Variants in TAOK1 observed in about 807,000 individuals in gnomAD.
TAOK1 encodes serine/threonine-protein kinase TAO1.
A neutral mutation model predicts 138.3 loss-of-function variants in TAOK1; 21 were observed. The ratio of observed to expected loss-of-function variants is 0.15; its 90% confidence interval spans 0.11 to 0.22. The LOEUF (loss-of-function observed/expected upper bound fraction) is 0.22, where lower values mean the gene tolerates loss of function less well. Ranked by LOEUF, TAOK1 falls within the 10% of genes least tolerant of loss-of-function variation. The probability of loss-of-function intolerance (pLI) is 1.00; values close to 1 mark genes in which losing one functional copy is unlikely to be tolerated. For synonymous variants in TAOK1, 361 were observed against 398.4 expected, an observed-to-expected ratio of 0.91 and a Z score of 1.12; for missense variants, 651 against 1,227.7, an observed-to-expected ratio of 0.53 and a Z score of 7.02.
At chr17:29,528,891 C>T (rs558962040) in intron 17 of TAOK1, among the ~76,000 whole-genome samples, 33 of 132,726 alleles carry the variant, frequency 2.5e-4, no homozygotes, top group South Asian at 1.5e-3. Context: ...GTTTCTAAAA[C>T]GAACAGAATA....
chr17:29,498,620 C>A, intron 12 of TAOK1, 99 bp downstream of exon 12: 1 of 1,410,996 alleles, frequency 7.1e-7, no homozygotes. Flanking sequence ...AGGAAGTTTC[C>A]CGAAGTTTGG....
chr17:29,505,423 C>A (rs769955390), intron 13 of TAOK1, among the ~76,000 whole-genome samples: 1 of 152,046 alleles, frequency 6.6e-6, no homozygotes, highest in Non-Finnish European at 1.5e-5. Flanking sequence ...AATGGTGGGC[C>A]GGGTGGAGTG....
At chr17:29,525,683 C>T (rs1202711602) in intron 17 of TAOK1, among the ~76,000 whole-genome samples, 4 of 152,242 alleles carry the variant, frequency 2.6e-5, no homozygotes, top group Non-Finnish European at 5.9e-5. Flanking sequence ...GCGTGAGCCA[C>T]CGCGCCCAGC....
In TAOK1 at chr17:29,422,157, A is replaced by G. The variant is rs576007329; in HGVS notation, c.-94-29298A>G. 1.1e-4 allele frequency among the ~76,000 whole-genome samples: 17 copies of G among 151,584 alleles called. No individual in the cohort carries two copies. The South Asian group carries it at 3.5e-3, about 32-fold the overall frequency. ...CGTGATCCACCCGCCTCGGCCTCCC[A>G]AAGTGCTGGGATTACAGGCATGAGC... On this transcript the variant is annotated intron_variant, in intron 1 of 19. Coordinates refer to ENST00000261716, the MANE Select transcript of TAOK1 (RefSeq NM_020791.4).
intron 3 of TAOK1, among the ~76,000 whole-genome samples, chr17:29,473,285 T>C (rs1308323409): frequency 1.3e-5 from 2 of 152,204 alleles, no homozygotes; most frequent in Non-Finnish European, 2.9e-5. Context: ...AGTTGCTCTG[T>C]AGCCATGAAA....
rs919806022 is a variant in TAOK1 at position 29,551,523 on chromosome 17, T to G, written c.*8501T>G. The G allele has an allele frequency of 2.6e-5, 4 of 152,588 alleles. No homozygotes were observed. The highest frequency in any genetic ancestry group is 5.9e-5 in the Non-Finnish European group (4 of 68,040). The allele number at this position is 152,588 out of a possible 1,614,324, so 9.5% of individuals were successfully genotyped here. A position where few individuals can be genotyped will look rare whatever the true frequency, so the allele number is the denominator to read the frequency against. The stretch of plus-strand genomic sequence containing the variant: ...TTTAAATACACATTGTCCTCTCGAT[T>G]TTTGGACCAAACAGACGCTCACAGT... On this transcript the variant is annotated 3_prime_UTR_variant, in exon 20 of 20. Coordinates refer to ENST00000261716, the MANE Select transcript of TAOK1 (RefSeq NM_020791.4).
intron 1 of TAOK1, among the ~76,000 whole-genome samples, chr17:29,451,062 TGAAAA>T (rs145190282): frequency 0.013 from 2,011 of 152,344 alleles, 44 homozygotes; most frequent in African/African-American, 0.046. Flanking sequence ...ATACGGTATC[TGAAAA>T]GAAAAGAAGT....
chr17:29,460,950 A>G (rs2030516286), intron 2 of TAOK1, among the ~76,000 whole-genome samples: 1 of 152,200 alleles, frequency 6.6e-6, no homozygotes, highest in African/African-American at 2.4e-5. Flanking sequence ...TAGAATTATT[A>G]AAGAGAGTGA....
At chr17:29,457,979 G>C (rs1027744341) in intron 2 of TAOK1, among the ~76,000 whole-genome samples, 1 of 151,916 alleles carries the variant, frequency 6.6e-6, no homozygotes, top group Non-Finnish European at 1.5e-5. Context: ...GTGTGGTGGC[G>C]GACGCCTGTA....
intron 8 of TAOK1, among the ~76,000 whole-genome samples, chr17:29,488,000 A>G (rs555328491): frequency 6.6e-6 from 1 of 152,130 alleles, no homozygotes; most frequent in African/African-American, 2.4e-5. Context: ...CCTCTGTGAT[A>G]CTCCTGCCAA....
chr17:29,513,610 C>T (rs1318469511), intron 15 of TAOK1: 1 of 152,110 alleles, frequency 6.6e-6, no homozygotes, highest in East Asian at 1.9e-4. Context: ...ATATCAGAGT[C>T]TTGGAGGGGA....
chr17:29,409,158 GT>G (rs1253699542), intron 1 of TAOK1, among the ~76,000 whole-genome samples: 2 of 151,674 alleles, frequency 1.3e-5, no homozygotes, highest in African/African-American at 2.4e-5. Context: ...TGTTTCATTA[GT>G]TCATTTCTTT....
rs1352774324 is a variant in TAOK1, at chr17:29,547,303, T to G, written c.*4281T>G. 6.6e-6 allele frequency: 1 copy of G among 152,094 alleles called. No individual in the cohort carries two copies. The highest frequency in any genetic ancestry group is 1.5e-5 in the Non-Finnish European group (1 of 68,000). The allele number at this position is 152,094 out of a possible 1,614,324, so 9.4% of individuals were successfully genotyped here. A position where few individuals can be genotyped will look rare whatever the true frequency, so the allele number is the denominator to read the frequency against. On this transcript the variant is annotated 3_prime_UTR_variant, in exon 20 of 20. Coordinates refer to ENST00000261716, the MANE Select transcript of TAOK1 (RefSeq NM_020791.4). ...ACTGCTAAAGCATCTAAGATTCTCC[T>G]GAACTGTAAAATCAACAGGAAATGG...
chr17:29,393,459 A>G (rs1187794327), intron 1 of TAOK1, among the ~76,000 whole-genome samples: 2 of 152,210 alleles, frequency 1.3e-5, no homozygotes, highest in Non-Finnish European at 2.9e-5. Flanking sequence ...TCAATTAGAT[A>G]AATACATTAT....
chr17:29,423,807 G>A (rs777252466), intron 1 of TAOK1, among the ~76,000 whole-genome samples: 5 of 151,892 alleles, frequency 3.3e-5, no homozygotes, highest in South Asian at 2.1e-4. Context: ...CAGCACTTTG[G>A]GGGGCAGAAG....
intron 8 of TAOK1, among the ~76,000 whole-genome samples, chr17:29,486,216 G>A (rs1004643496): frequency 1.3e-5 from 2 of 152,164 alleles, no homozygotes; most frequent in Non-Finnish European, 2.9e-5. Flanking sequence ...TTGAGCCCAG[G>A]AGGTCAAGGT....
At position 29,469,144 on chromosome 17, in the gene TAOK1, G is replaced by A. The variant is rs564709007; in HGVS notation, c.204+1928G>A. 5.3e-5 allele frequency among the ~76,000 whole-genome samples: 8 copies of A among 152,102 alleles called. No individual in the cohort carries two copies. In the East Asian group the frequency reaches 1.5e-3, roughly 29 times the overall value. On this transcript the variant is annotated intron_variant, in intron 3 of 19. Coordinates refer to ENST00000261716, the MANE Select transcript of TAOK1 (RefSeq NM_020791.4). ...CACCTGTAATCCCAGCACTTTGGGA[G>A]GCCGAGGTGGGTGGATCATTTTGAG...
chr17:29,468,993 T>A lies in TAOK1; in HGVS notation c.204+1777T>A, dbSNP rs201658457. Among the ~76,000 whole-genome samples the A allele has an allele frequency of 7.2e-5, 11 of 152,300 alleles. No individual in the cohort carries two copies. The East Asian group carries it at 1.9e-3, about 27-fold the overall frequency. The stretch of plus-strand genomic sequence containing the variant: ...ATGAAATTATTAATGCTACATTGAA[T>A]GTACTTTAGTTCACTAATATTCTAA... On this transcript the variant is annotated intron_variant, in intron 3 of 19. Coordinates refer to ENST00000261716, the MANE Select transcript of TAOK1 (RefSeq NM_020791.4).
At chr17:29,457,219 C>G (rs553564782) in intron 2 of TAOK1, among the ~76,000 whole-genome samples, 1 of 147,658 alleles carries the variant, frequency 6.8e-6, no homozygotes, top group South Asian at 2.1e-4. Flanking sequence ...CCCACCTCAG[C>G]CTTCCAAGTA....
Sources: gnomAD v4.1 joint callset for allele counts (sites outside exome capture counted in the v4.1 genomes callset) on GRCh38, gnomAD v4.1.1 for gene constraint, MANE v1.5 for transcripts, NCBI Gene and HGNC (gene_info 2026-07-23, HGNC 2026-07-21) for gene names.